Variants in UBXN2A observed in about 807,000 individuals in gnomAD.
UBXN2A encodes the protein UBX domain-containing protein 2A.
UBXN2A carries 28 observed loss-of-function variants against 28.4 expected under a neutral mutation model. That is an observed-to-expected ratio of 0.99 (90% confidence interval 0.73 to 1.35). The LOEUF is 1.35. Among genes scored for constraint, UBXN2A ranks in the 40% most tolerant of loss-of-function variants. The probability of loss-of-function intolerance (pLI) is 0.00; values close to 1 mark genes in which losing one functional copy is unlikely to be tolerated. For synonymous variants in UBXN2A, 97 were observed against 103.6 expected, an observed-to-expected ratio of 0.94 and a Z score of 0.39; for missense variants, 253 against 297.9, an observed-to-expected ratio of 0.85 and a Z score of 1.11.
At chr2:23,993,038 T>C (rs1206237194) in intron 6 of UBXN2A, among the ~76,000 whole-genome samples, 4 of 152,214 alleles carry the variant, frequency 2.6e-5, no homozygotes, top group Admixed American at 6.5e-5. Flanking sequence ...TTGGCTCTCT[T>C]GAAGGCATTT....
intron 1 of UBXN2A, among the ~76,000 whole-genome samples, chr2:23,950,657 G>A (rs1167881223): frequency 6.6e-6 from 1 of 151,984 alleles, no homozygotes; most frequent in Non-Finnish European, 1.5e-5. Context: ...GCCCACCTCG[G>A]TCTTCCAGTG....
At chr2:23,953,851 T>G (rs1706487750) in intron 1 of UBXN2A, among the ~76,000 whole-genome samples, 1 of 152,154 alleles carries the variant, frequency 6.6e-6, no homozygotes, top group African/African-American at 2.4e-5. Flanking sequence ...CTTGAATGGA[T>G]TCAGATTCAC....
intron 1 of UBXN2A, among the ~76,000 whole-genome samples, chr2:23,949,496 C>A (rs1706258706): frequency 6.6e-6 from 1 of 150,860 alleles, no homozygotes; most frequent in African/African-American, 2.4e-5. Context: ...CACTTGAACC[C>A]AGGAGGTAGA....
At chr2:23,990,590 A>G (rs1450244684) in intron 6 of UBXN2A, among the ~76,000 whole-genome samples, 1 of 151,756 alleles carries the variant, frequency 6.6e-6, no homozygotes, top group African/African-American at 2.4e-5. Flanking sequence ...CCTGGCCAAC[A>G]TGGTGAAACC....
chr2:23,943,995 C>T (rs1453561807), intron 1 of UBXN2A: 16 of 488,294 alleles, frequency 3.3e-5, no homozygotes, highest in Non-Finnish European at 5.2e-5. Context: ...AGGTTCAAAC[C>T]GTCCCGTATC....
At chr2:23,983,070 G>A (rs1707980204) in intron 5 of UBXN2A, 37 bp downstream of exon 5, 1 of 1,518,688 alleles carries the variant, frequency 6.6e-7, no homozygotes, top group South Asian at 1.4e-5. Flanking sequence ...CATAGATCAA[G>A]GCTTAACTAA....
At chr2:23,935,337 T>A (rs1389500909) in intron 1 of UBXN2A, among the ~76,000 whole-genome samples, 1 of 152,080 alleles carries the variant, frequency 6.6e-6, no homozygotes, top group East Asian at 1.9e-4. Context: ...TGATAAGGGA[T>A]TACTATCCAT....
At chr2:23,995,340 T>C (rs1708487596) in intron 6 of UBXN2A, among the ~76,000 whole-genome samples, 1 of 152,090 alleles carries the variant, frequency 6.6e-6, no homozygotes, top group Admixed American at 6.6e-5. Flanking sequence ...TTTACATTGG[T>C]TGGTCTTCAG....
At chr2:23,946,887 ATTTT>A (rs34433205) in intron 1 of UBXN2A, among the ~76,000 whole-genome samples, 16 of 131,656 alleles carry the variant, frequency 1.2e-4, no homozygotes, top group Admixed American at 3.9e-4. Context: ...CAATTTATTA[ATTTT>A]TTTTTTTTTT....
At chr2:23,960,262 A>G (rs1706840459) in intron 2 of UBXN2A, among the ~76,000 whole-genome samples, 1 of 152,036 alleles carries the variant, frequency 6.6e-6, no homozygotes, top group South Asian at 2.1e-4. Flanking sequence ...TCTCAAAAAA[A>G]AACAAAAAAA....
At chr2:23,981,663 G>A (rs537239346) in intron 4 of UBXN2A, among the ~76,000 whole-genome samples, 6 of 152,028 alleles carry the variant, frequency 3.9e-5, no homozygotes, top group Admixed American at 6.6e-5. Flanking sequence ...GGAGGCTGAG[G>A]TGGGCAGATC....
At chr2:23,977,151 C>A in intron 4 of UBXN2A, 76 bp downstream of exon 4, 2 of 1,211,540 alleles carry the variant, frequency 1.7e-6, no homozygotes, top group South Asian at 1.3e-5. Context: ...ATTGCCTGAG[C>A]TCAGGAGTTC....
intron 4 of UBXN2A, among the ~76,000 whole-genome samples, chr2:23,980,801 T>C (rs1707860106): frequency 6.6e-6 from 1 of 152,004 alleles, no homozygotes; most frequent in South Asian, 2.1e-4. Flanking sequence ...CTAATTTTTG[T>C]TTTTTAGTAG....
Position 23,966,371 on chromosome 2 carries a change from G to A in UBXN2A, c.42-4905G>A, listed in dbSNP as rs1437935482. On this transcript the variant is annotated intron_variant, in intron 2 of 6. Transcript: ENST00000309033. ...CAGATGGTCTTGATCTCTTGACCTC[G>A]TGATCCGCCCACCTTGGCCTCCCAA... Among the ~76,000 whole-genome samples the A allele has an allele frequency of 2.6e-5, 4 of 151,338 alleles. 1 individual carries two copies. In the South Asian group the frequency reaches 6.3e-4, roughly 24 times the overall value.
intron 2 of UBXN2A, among the ~76,000 whole-genome samples, chr2:23,962,684 C>T (rs991435428): frequency 1.4e-5 from 2 of 147,152 alleles, no homozygotes; most frequent in African/African-American, 5.0e-5. Flanking sequence ...CGGCTCATGG[C>T]AGCCTCAGCC....
At chr2:23,957,926 C>A (rs1706712059) in intron 1 of UBXN2A, among the ~76,000 whole-genome samples, 1 of 152,168 alleles carries the variant, frequency 6.6e-6, no homozygotes, top group Non-Finnish European at 1.5e-5. Flanking sequence ...CTGCGCCTAG[C>A]CATTTTTTGT....
intron 6 of UBXN2A, among the ~76,000 whole-genome samples, chr2:23,998,719 T>C (rs1708635174): frequency 6.6e-6 from 1 of 151,972 alleles, no homozygotes. Context: ...AGACTCCATC[T>C]CAAAAAAAAG....
intron 1 of UBXN2A, among the ~76,000 whole-genome samples, chr2:23,948,238 GTTTCTT>G: frequency 6.8e-6 from 1 of 147,388 alleles, no homozygotes; most frequent in African/African-American, 2.5e-5. Context: ...GTCTGAAGAT[GTTTCTT>G]TTTCTTTTTC....
In UBXN2A at chr2:23,941,382, A is replaced by G. The variant is rs187593701; in HGVS notation, c.-15+734A>G. The stretch of plus-strand genomic sequence containing the variant: ...TGTGTCTTCTTTCTAAATATGCTGA[A>G]AGTCGGATTTATTTAAAAGGCAATT... On this transcript the variant is annotated intron_variant, in intron 1 of 6. Coordinates refer to ENST00000309033, the MANE Select transcript of UBXN2A (RefSeq NM_181713.4). Among the ~76,000 whole-genome samples, 20 of 152,314 alleles carry G rather than the reference A, an allele frequency of 1.3e-4. No homozygotes were observed. The East Asian group carries it at 3.9e-3, about 29-fold the overall frequency.
Sources: allele counts gnomAD v4.1 joint callset (sites outside exome capture counted in the v4.1 genomes callset), GRCh38; gene constraint gnomAD v4.1.1; transcripts MANE v1.5; gene names NCBI Gene and HGNC (gene_info 2026-07-23, HGNC 2026-07-21).